The following DZIP1 variants were observed in gnomAD, a reference collection of about 807,000 sequenced individuals.
DZIP1 encodes the protein cilium assembly protein DZIP1.
DZIP1 carries 97 observed loss-of-function variants against 107.6 expected under a neutral mutation model. That is an observed-to-expected ratio of 0.90 (90% CI 0.77 to 1.07). DZIP1 has a LOEUF of 1.07. DZIP1 is among the 50% of genes least tolerant of loss of function. The pLI, the probability that DZIP1 is intolerant of heterozygous loss-of-function variation, is 0.00. For missense variants in DZIP1, 1,035 were observed against 1,063.6 expected (o/e 0.97, Z 0.37); for synonymous variants, 390 against 386.4 (o/e 1.01, Z -0.11).
At chr13:95,622,006 T>C (rs1167720661) in intron 9 of DZIP1, among the ~76,000 whole-genome samples, 1 of 152,182 alleles carries the variant, frequency 6.6e-6, no homozygotes, top group African/African-American at 2.4e-5. Context: ...AAATTAAATC[T>C]GGTGCTTCAA....
intron 15 of DZIP1, among the ~76,000 whole-genome samples, chr13:95,596,706 C>A (rs1181050979): frequency 6.6e-6 from 1 of 152,198 alleles, no homozygotes; most frequent in Non-Finnish European, 1.5e-5. Flanking sequence ...TTCTGGCCCT[C>A]ACATTCTAGC....
chr13:95,587,575 C>T lies in DZIP1; in HGVS notation c.2182G>A (p.Glu728Lys), dbSNP rs1444367378. ...KSDADGTEGS[E>K]IEDTDDSPKP... Reference sequence around the variant, plus strand: ...GGAGAATCATCAGTGTCCTCGATTTCGCTTCCCTCGGTCCCGTCCGCGTCA... The same window carrying T: ...GGAGAATCATCAGTGTCCTCGATTTTGCTTCCCTCGGTCCCGTCCGCGTCA... Residue 728 changes from glutamate (E) to lysine (K), a missense_variant, in exon 20 of 23, where the codon GAA (glutamate) becomes AAA (lysine). Glu to Lys is a moderately conservative substitution (Grantham distance 56, BLOSUM62 1). Transcript: ENST00000376829. The T allele has an allele frequency of 6.2e-7, 1 of 1,614,048 alleles. No individual in the cohort carries two copies. The highest frequency in any genetic ancestry group is 1.3e-5 in the African/African-American group (1 of 75,010).
chr13:95,627,907 G>C (rs1236948980), intron 7 of DZIP1, among the ~76,000 whole-genome samples: 1 of 152,150 alleles, frequency 6.6e-6, no homozygotes, highest in African/African-American at 2.4e-5. Context: ...TGGATGACTG[G>C]ATAAACAAAT....
intron 7 of DZIP1, among the ~76,000 whole-genome samples, chr13:95,625,671 C>A (rs987404807): frequency 1.3e-5 from 2 of 152,010 alleles, no homozygotes; most frequent in Admixed American, 1.3e-4. Flanking sequence ...AAGTAAACAA[C>A]GTGCTCTTAA....
chr13:95,633,355 G>T, intron 5 of DZIP1, 34 bp from the exon 6 acceptor site: 1 of 1,570,502 alleles, frequency 6.4e-7, no homozygotes, highest in Non-Finnish European at 8.8e-7. Flanking sequence ...CCAAGTGTCT[G>T]TAACGACTGT....
intron 14 of DZIP1, 52 bp from the exon 15 acceptor site, chr13:95,599,476 C>T (rs762811024): frequency 7.2e-7 from 1 of 1,395,852 alleles, no homozygotes; most frequent in Non-Finnish European, 1.0e-6. Context: ...AGCAAAGTTA[C>T]ATTAGTTTCC....
At chr13:95,591,676 A>C (rs1262834213) in intron 16 of DZIP1, among the ~76,000 whole-genome samples, 1 of 152,154 alleles carries the variant, frequency 6.6e-6, no homozygotes, top group African/African-American at 2.4e-5. Flanking sequence ...TAAATTAGAG[A>C]GCTCCCATTT....
intron 14 of DZIP1, among the ~76,000 whole-genome samples, chr13:95,605,072 G>T (rs2139029670): frequency 6.6e-6 from 1 of 152,088 alleles, no homozygotes; most frequent in Non-Finnish European, 1.5e-5. Context: ...TGATCTTCGG[G>T]AAAAAAATAA....
At chr13:95,610,112 G>GAC (rs1555308788) in intron 12 of DZIP1, among the ~76,000 whole-genome samples, 12 of 41,080 alleles carry the variant, frequency 2.9e-4, no homozygotes, top group Admixed American at 1.2e-3. Context: ...GTGTGTGTGT[G>GAC]AGAGAGAGAC....
At chr13:95,594,165 C>T in intron 15 of DZIP1, 79 bp from the exon 16 acceptor site, 1 of 1,199,676 alleles carries the variant, frequency 8.3e-7, no homozygotes, top group East Asian at 2.6e-5. Flanking sequence ...AAATGGCAAA[C>T]CACAGCTTTT....
chr13:95,599,536 G>T (rs1458016974), intron 14 of DZIP1, 112 bp from the exon 15 acceptor site: 5 of 900,624 alleles, frequency 5.6e-6, no homozygotes, highest in South Asian at 3.1e-5. Flanking sequence ...AGTCATGCCT[G>T]AATAGCAAGA....
At chr13:95,633,192 G>A in intron 6 of DZIP1, 42 bp downstream of exon 6, 1 of 1,563,562 alleles carries the variant, frequency 6.4e-7, no homozygotes, top group Non-Finnish European at 8.8e-7. Context: ...AAGAAAAAGG[G>A]AGCAGGAAGA....
At chr13:95,589,669 G>C in intron 18 of DZIP1, 134 bp downstream of exon 18, 1 of 1,205,386 alleles carries the variant, frequency 8.3e-7, no homozygotes, top group Non-Finnish European at 1.2e-6. Context: ...CTGGCATCCT[G>C]ATCTTGGACT....
Position 95,641,204 on chromosome 13 carries a change from A to G in DZIP1, c.597+91T>C. The G allele has an allele frequency of 6.7e-7, 1 of 1,487,506 alleles. No individual in the cohort carries two copies. The highest frequency in any genetic ancestry group is 9.0e-7 in the Non-Finnish European group (1 of 1,111,432). The allele number at this position is 1,487,506 out of a possible 1,614,324, so 92.1% of individuals were successfully genotyped here. A position where few individuals can be genotyped will look rare whatever the true frequency, so the allele number is the denominator to read the frequency against. On this transcript the variant is annotated intron_variant, in intron 5 of 22. Transcript: ENST00000376829. This position sits in a 1 kb window ranked among gnomAD's most constrained non-coding sequence, Gnocchi z 4.3. ...TTCTGATATACAATATAAATCTTTA[A>G]GAAGAAAGAGTGGTGATACGGGACA...
rs369405143 is a variant in DZIP1 at position 95,630,007 on chromosome 13, A to C, written c.792T>G (p.Ser264Arg). ...RSELEAAHHA[S>R]AVRFSKEYEM... The stretch of plus-strand genomic sequence containing the variant: ...CTGGTACCTTGGAGAATCTGACTGC[A>C]CTGGCATGGTGTGCAGCCTCTAGCT... Residue 264 changes from serine (S) to arginine (R), a missense_variant, in exon 7 of 23, where the codon AGT (serine) becomes AGG (arginine). Ser to Arg is a moderately radical substitution (Grantham distance 110). Coordinates refer to ENST00000376829, the MANE Select transcript of DZIP1 (RefSeq NM_198968.4). 1.2e-6 allele frequency: 2 copies of C among 1,609,790 alleles called. No individual in the cohort carries two copies. Among genetic ancestry groups the C allele is most frequent in the Non-Finnish European group, 8.5e-7 (1 of 1,178,874 alleles).
intron 6 of DZIP1, among the ~76,000 whole-genome samples, chr13:95,631,394 G>A (rs1162340709): frequency 6.6e-6 from 1 of 152,126 alleles, no homozygotes; most frequent in East Asian, 1.9e-4. Flanking sequence ...TTGAACCCAG[G>A]AGAAGGAGGT....
chr13:95,599,485 C>A, intron 14 of DZIP1, 61 bp from the exon 15 acceptor site: 2 of 1,355,564 alleles, frequency 1.5e-6, no homozygotes, highest in Non-Finnish European at 2.1e-6. Context: ...ACATTAGTTT[C>A]CTTTCAAATG....
At position 95,579,400 on chromosome 13, in the gene DZIP1, C is replaced by T. The variant is rs1019740878; in HGVS notation, c.*2834G>A. 2.0e-4 allele frequency: 31 copies of T among 152,172 alleles called. No individual in the cohort carries two copies. The highest frequency in any genetic ancestry group is 6.0e-4 in the African/African-American group (25 of 41,456). 9.4% of individuals were successfully genotyped at this position (152,172 alleles called of 1,614,324 possible). ...TTCATACACACCTTTCATGTCCTGT[C>T]TCACTCACTCCTCACAGCCATCCTA... On this transcript the variant is annotated 3_prime_UTR_variant, in exon 23 of 23. Coordinates refer to ENST00000376829, the MANE Select transcript of DZIP1 (RefSeq NM_198968.4).
At chr13:95,610,111 TGAGA>T (rs1555308785) in intron 12 of DZIP1, among the ~76,000 whole-genome samples, 2 of 126,666 alleles carry the variant, frequency 1.6e-5, no homozygotes, top group Non-Finnish European at 3.4e-5. Flanking sequence ...TGTGTGTGTG[TGAGA>T]GAGAGACAGA....
Sources: allele counts gnomAD v4.1 joint callset (sites outside exome capture counted in the v4.1 genomes callset), GRCh38; gene constraint gnomAD v4.1.1; non-coding constraint Gnocchi (gnomAD v3.1); transcripts MANE v1.5; gene names NCBI Gene and HGNC (gene_info 2026-07-23, HGNC 2026-07-21).